The following ZFAND5 variants were observed in gnomAD, a reference collection of about 807,000 sequenced individuals.
ZFAND5 encodes the protein AN1-type zinc finger protein 5.
A neutral mutation model predicts 23.6 loss-of-function variants in ZFAND5; 4 were observed. That is an observed-to-expected ratio of 0.17 (90% CI 0.08 to 0.39). The LOEUF (loss-of-function observed/expected upper bound fraction) is 0.39. Ranked by LOEUF, ZFAND5 falls within the 10% of genes least tolerant of loss-of-function variation. The pLI, the probability that ZFAND5 is intolerant of heterozygous loss-of-function variation, is 1.00. For missense variants in ZFAND5, 161 were observed against 253.7 expected, an observed-to-expected ratio of 0.63 and a Z score of 2.48; for synonymous variants, 68 against 80.6, an observed-to-expected ratio of 0.84 and a Z score of 0.84.
Position 72,354,129 on chromosome 9 carries a change from CTAAG to C in ZFAND5, c.*1820_*1823del, listed in dbSNP as rs1485460145. The C allele has an allele frequency of 6.6e-6, 1 of 152,184 alleles. No individual in the cohort carries two copies. Among genetic ancestry groups the C allele is most frequent in the Non-Finnish European group, 1.5e-5 (1 of 68,034 alleles). The allele number at this position is 152,184 out of a possible 1,614,324, so 9.4% of individuals were successfully genotyped here. On this transcript the variant is annotated 3_prime_UTR_variant, in exon 7 of 7. Transcript: ENST00000376962. ...AATAAAACAGAACTCTTTTTGTAAA[CTAAG>C]TCATACCTACTTTCTTCTTCAGAAT... is the stretch of plus-strand genomic sequence containing the variant.
chr9:72,351,733 T>C lies in ZFAND5; in HGVS notation c.*4220A>G, dbSNP rs1465402315. Reference sequence around the variant, plus strand: ...GACTGTGATGTCAACTGGCAAGGGCTGGCTGTTGGCCGATTCACCATGACT... The same window carrying C: ...GACTGTGATGTCAACTGGCAAGGGCCGGCTGTTGGCCGATTCACCATGACT... On this transcript the variant is annotated 3_prime_UTR_variant, in exon 7 of 7. Transcript: ENST00000376962. 1 of 152,204 alleles carries C rather than the reference T, an allele frequency of 6.6e-6. No homozygotes were observed. Among genetic ancestry groups the C allele is most frequent in the Non-Finnish European group, 1.5e-5 (1 of 68,030 alleles). 9.4% of individuals were successfully genotyped at this position (152,204 alleles called of 1,614,324 possible).
Position 72,359,435 on chromosome 9 carries a change from G to A in ZFAND5, c.350C>T (p.Thr117Ile), listed in dbSNP as rs899362145. ...SREDKITTPKTEVSEPVVTQP... is the reference protein window; with the variant it reads ...SREDKITTPKIEVSEPVVTQP... ...AAACATACCTGGCTCTGACACCTCTGTTTTCGGGGTAGTTATTTTGTCCTC... is the reference window on the plus strand; with the variant it reads ...AAACATACCTGGCTCTGACACCTCTATTTTCGGGGTAGTTATTTTGTCCTC... Residue 117 changes from threonine to isoleucine, a missense_variant, in exon 5 of 7, where the codon ACA becomes ATA. By Grantham distance (89) the Thr-to-Ile change is moderately conservative. Around this residue, in one of 3 missense-constraint regions of ZFAND5, gnomAD observed 116 missense variants for 115.2 expected, o/e 1.01. Coordinates refer to ENST00000376962, the MANE Select transcript of ZFAND5 (RefSeq NM_001102420.3). 3 of 1,613,156 alleles carry A rather than the reference G, an allele frequency of 1.9e-6. No homozygotes were observed. The highest frequency in any genetic ancestry group is 1.1e-5 in the South Asian group (1 of 91,022).
At position 72,356,109 on chromosome 9, in the gene ZFAND5, A is replaced by G; in HGVS notation, c.494-8T>C. ...CACATCGGCAGTCAAACCCTGTACAAACGAAGAAGTAGAGTCATTTGAGAA... is the reference window on the plus strand; with the variant it reads ...CACATCGGCAGTCAAACCCTGTACAGACGAAGAAGTAGAGTCATTTGAGAA... On this transcript the variant is annotated splice_polypyrimidine_tract_variant and splice_region_variant and intron_variant, in intron 6 of 6. Transcript: ENST00000376962. 4 of 1,604,536 alleles carry G rather than the reference A, an allele frequency of 2.5e-6. No homozygotes were observed. The highest frequency in any genetic ancestry group is 2.3e-5 in the South Asian group (2 of 88,568).
chr9:72,360,578 T>C, intron 3 of ZFAND5, 50 bp downstream of exon 3: 1 of 1,609,852 alleles, frequency 6.2e-7, no homozygotes, highest in South Asian at 1.1e-5. Context: ...TGGTTCTGTA[T>C]TTCTGTCCAC....
intron 1 of ZFAND5, chr9:72,364,321 C>T: frequency 1.1e-6 from 1 of 935,378 alleles, no homozygotes. Flanking sequence ...CTAGGGGGGG[C>T]TGCAACGGGC....
chr9:72,359,912 C>T (rs1480650540), intron 4 of ZFAND5, among the ~76,000 whole-genome samples, 198 bp downstream of exon 4: 1 of 152,214 alleles, frequency 6.6e-6, no homozygotes, highest in Non-Finnish European at 1.5e-5. Context: ...ATTTCCAACA[C>T]AGTATCCTTG....
intron 1 of ZFAND5, 110 bp downstream of exon 1, chr9:72,364,586 G>C (rs1486083293): frequency 8.0e-7 from 1 of 1,246,612 alleles, no homozygotes; most frequent in Non-Finnish European, 1.0e-6. Context: ...GCCGCCATCC[G>C]CGGCCTGCTC....
chr9:72,361,063 G>A (rs565177220), intron 2 of ZFAND5, among the ~76,000 whole-genome samples: 69 of 152,222 alleles, frequency 4.5e-4, no homozygotes, highest in Admixed American at 9.8e-4. Flanking sequence ...GAAAAGGTCT[G>A]TTAGCTCTCA....
At position 72,351,658 on chromosome 9, in the gene ZFAND5, A is replaced by T. The variant is rs1287053550; in HGVS notation, c.*4295T>A. The T allele has an allele frequency of 1.3e-5, 2 of 150,998 alleles. No individual in the cohort carries two copies. Among genetic ancestry groups the T allele is most frequent in the African/African-American group, 4.9e-5 (2 of 41,078 alleles). The allele number at this position is 150,998 out of a possible 1,614,324, so 9.4% of individuals were successfully genotyped here. A position where few individuals can be genotyped will look rare whatever the true frequency, so the allele number is the denominator to read the frequency against. ...TGACTGTATATTTAGTCACCACCTC[A>T]ACCACTGCTAAGCTCTCTTCATGTC... On this transcript the variant is annotated 3_prime_UTR_variant, in exon 7 of 7. Coordinates refer to ENST00000376962, the MANE Select transcript of ZFAND5 (RefSeq NM_001102420.3).
At chr9:72,363,654 T>A in intron 1 of ZFAND5, 48 bp from the exon 2 acceptor site, 1 of 983,644 alleles carries the variant, frequency 1.0e-6, no homozygotes, top group African/African-American at 1.7e-5. Flanking sequence ...CTTAATTTTT[T>A]AGGGGGGTGT....
chr9:72,359,640 GATAATCTA>G (rs1305749527), intron 4 of ZFAND5, 119 bp from the exon 5 acceptor site: 4 of 955,378 alleles, frequency 4.2e-6, no homozygotes, highest in Admixed American at 3.2e-5. Context: ...AATGGAGCTA[GATAATCTA>G]AAGTTTAAAA....
intron 2 of ZFAND5, among the ~76,000 whole-genome samples, chr9:72,363,136 T>C (rs948039460): frequency 6.6e-6 from 1 of 152,150 alleles, no homozygotes; most frequent in African/African-American, 2.4e-5. Context: ...TAAAAAAGAA[T>C]CCTCATTTAG....
chr9:72,357,135 A>C, intron 5 of ZFAND5, 79 bp from the exon 6 acceptor site: 1 of 1,525,840 alleles, frequency 6.6e-7, no homozygotes, highest in Non-Finnish European at 8.9e-7. Context: ...TATTTAAGAG[A>C]AACAGGAAGA....
At chr9:72,360,936 C>T in intron 2 of ZFAND5, 149 bp from the exon 3 acceptor site, 1 of 707,200 alleles carries the variant, frequency 1.4e-6, no homozygotes, top group Non-Finnish European at 2.1e-6. Context: ...AGATAATTAT[C>T]AATATTTTGT....
intron 3 of ZFAND5, 64 bp from the exon 4 acceptor site, chr9:72,360,285 C>A: frequency 1.5e-6 from 2 of 1,342,324 alleles, no homozygotes; most frequent in Non-Finnish European, 2.1e-6. Context: ...AGTATCAAGA[C>A]GTAGTAATAA....
chr9:72,364,565 CT>C, intron 1 of ZFAND5, 130 bp downstream of exon 1: 2 of 1,262,646 alleles, frequency 1.6e-6, no homozygotes, highest in East Asian at 7.1e-5. Flanking sequence ...GCGGGCTCCC[CT>C]CCCCCGGACG....
At position 72,352,860 on chromosome 9, in the gene ZFAND5, A is replaced by C. The variant is rs1841813950; in HGVS notation, c.*3093T>G. ...AAGGTGGTTGCTGTCTTCATTTAAG[A>C]GATGAAGCAGTCCAAAGTGGACCTA... On this transcript the variant is annotated 3_prime_UTR_variant, in exon 7 of 7. Transcript: ENST00000376962. 6.6e-6 allele frequency: 1 copy of C among 152,226 alleles called. No homozygotes were observed. The highest frequency in any genetic ancestry group is 2.4e-5 in the African/African-American group (1 of 41,458). 9.4% of individuals were successfully genotyped at this position (152,226 alleles called of 1,614,324 possible).
intron 4 of ZFAND5, 105 bp downstream of exon 4, chr9:72,360,005 T>C: frequency 1.1e-6 from 1 of 912,450 alleles, no homozygotes; most frequent in Non-Finnish European, 1.7e-6. Context: ...ACTGAAATCC[T>C]CGATTGCAAA....
rs1015227466 is a variant in ZFAND5 at position 72,352,969 on chromosome 9, T to G, written c.*2984A>C. ...CATAATGCTCAGAAACAGCTTTCCCTCACAAACTAATTTTCCCCACGTTGT... is the reference window on the plus strand; with the variant it reads ...CATAATGCTCAGAAACAGCTTTCCCGCACAAACTAATTTTCCCCACGTTGT... On this transcript the variant is annotated 3_prime_UTR_variant, in exon 7 of 7. Coordinates refer to ENST00000376962, the MANE Select transcript of ZFAND5 (RefSeq NM_001102420.3). 2 of 152,216 alleles carry G rather than the reference T, an allele frequency of 1.3e-5. No individual in the cohort carries two copies. The highest frequency in any genetic ancestry group is 2.9e-5 in the Non-Finnish European group (2 of 68,042). The allele number at this position is 152,216 out of a possible 1,614,324, so 9.4% of individuals were successfully genotyped here. A position where few individuals can be genotyped will look rare whatever the true frequency, so the allele number is the denominator to read the frequency against.
Sources: gnomAD v4.1 joint callset for allele counts (sites outside exome capture counted in the v4.1 genomes callset) on GRCh38, gnomAD v4.1.1 for gene constraint, gnomAD v4.1.1 regional missense constraint, MANE v1.5 for transcripts, NCBI Gene and HGNC (gene_info 2026-07-23, HGNC 2026-07-21) for gene names.